Variants in PDZD2 observed in about 807,000 individuals in gnomAD.
PDZD2 encodes PDZ domain containing 2.
A neutral mutation model predicts 220.7 loss-of-function variants in PDZD2; 90 were observed. The observed-to-expected ratio is 0.41, with a 90% CI of 0.34 to 0.49. PDZD2 has a LOEUF of 0.49. Ranked by LOEUF, PDZD2 falls within the 20% of genes least tolerant of loss-of-function variation. The pLI is 0.28. For missense variants in PDZD2, 3,174 were observed against 3,608.5 expected, an observed-to-expected ratio of 0.88 and a Z score of 3.08; for synonymous variants, 1,375 against 1,450.5, an observed-to-expected ratio of 0.95 and a Z score of 1.18.
At chr5:31,704,935 C>T (rs577622698) in intron 1 of PDZD2, among the ~76,000 whole-genome samples, 16 of 152,138 alleles carry the variant, frequency 1.1e-4, no homozygotes, top group East Asian at 3.9e-4. Context: ...CCGAGGTGGG[C>T]GGGTCATTTG....
chr5:31,818,876 A>G lies in PDZD2; in HGVS notation c.476+19152A>G, dbSNP rs1755640058. Among the ~76,000 whole-genome samples, 3 of 152,178 alleles carry G rather than the reference A, an allele frequency of 2.0e-5. No homozygotes were observed. The South Asian group carries it at 6.2e-4, about 32-fold the overall frequency. ...ATGTGCCTACAGCTCTATCATGCTAACTCAACAGATATAATTTTTTGTTTC... is the reference window on the plus strand; with the variant it reads ...ATGTGCCTACAGCTCTATCATGCTAGCTCAACAGATATAATTTTTTGTTTC... On this transcript the variant is annotated intron_variant, in intron 2 of 24. Transcript: ENST00000438447.
chr5:31,879,450 A>G lies in PDZD2; in HGVS notation c.476+79726A>G, dbSNP rs555025277. 1.8e-4 allele frequency among the ~76,000 whole-genome samples: 28 copies of G among 151,972 alleles called. No individual in the cohort carries two copies. In the East Asian group the frequency reaches 5.4e-3, roughly 29 times the overall value. ...AGGTATGACCCCAGCAAGTTGTCAC[A>G]CACACTATTTTTTTTTAGAGAATAA... is the stretch of plus-strand genomic sequence containing the variant. On this transcript the variant is annotated intron_variant, in intron 2 of 24. Transcript: ENST00000438447.
rs1754245204 is a variant in PDZD2, at chr5:31,799,329, G to A, written c.81G>A (p.Gly27=). 1.2e-6 allele frequency: 2 copies of A among 1,614,096 alleles called. No homozygotes were observed. Among genetic ancestry groups the A allele is most frequent in the African/African-American group, 1.3e-5 (1 of 74,948 alleles). Residue 27 remains glycine, a synonymous_variant, in exon 2 of 25, where the codon GGG becomes GGA. Coordinates refer to ENST00000438447, the MANE Select transcript of PDZD2 (RefSeq NM_178140.4). ...TGCAGAACAGCCTGCAGGAAGGTGGGGATGGGCCGGAGCAGCGGCTCTGCC... is the reference window on the plus strand; with the variant it reads ...TGCAGAACAGCCTGCAGGAAGGTGGAGATGGGCCGGAGCAGCGGCTCTGCC... ...QWLQNSLQEG[G]DGPEQRLCQA... is the part of the protein sequence containing the mutation.
Position 32,090,063 on chromosome 5 carries a change from C to G in PDZD2, c.6615C>G (p.Gly2205=), listed in dbSNP as rs1742946297. The G allele has an allele frequency of 1.2e-6, 2 of 1,613,362 alleles. No individual in the cohort carries two copies. The highest frequency in any genetic ancestry group is 2.7e-5 in the African/African-American group (2 of 74,924). The part of the protein sequence containing the change: ...RGVPRNSIPG[G]PSGEDHLYFT... ...TGCCCAGAAACAGCATTCCAGGGGGCCCCTCGGGGGAGGACCATCTCTACT... is the reference window on the plus strand; with the variant it reads ...TGCCCAGAAACAGCATTCCAGGGGGGCCCTCGGGGGAGGACCATCTCTACT... The change falls in exon 20 of 25, where the codon GGC becomes GGG. Residue 2205 remains glycine (G), a synonymous_variant. Coordinates refer to ENST00000438447, the MANE Select transcript of PDZD2 (RefSeq NM_178140.4). This position sits in a 1 kb window ranked among gnomAD's most constrained non-coding sequence, Gnocchi z 4.3.
rs869189606 is a variant in PDZD2 at position 31,891,127 on chromosome 5, CTTTTTTTTTTTTT to C, written c.476+91418_476+91430del. ...TGTAAGCAAAGCTCAGGGGTTTTTC[CTTTTTTTTTTTTT>C]TTTTTTTTTTTTTTGAGACGGAGTC... On this transcript the variant is annotated intron_variant, in intron 2 of 24. Transcript: ENST00000438447. Among the ~76,000 whole-genome samples the C allele has an allele frequency of 3.7e-4, 36 of 96,436 alleles. 1 individual carries two copies. Among genetic ancestry groups the C allele is most frequent in the Middle Eastern group, 7.8e-3 (1 of 128 alleles). 63.3% of individuals were successfully genotyped at this position (96,436 alleles called of 152,430 possible). A position where few individuals can be genotyped will look rare whatever the true frequency, so the allele number is the denominator to read the frequency against.
chr5:32,070,903 G>GAGAATTGCTTGAACCCGGGGGGC (rs56171290), intron 15 of PDZD2, among the ~76,000 whole-genome samples: 1 of 151,602 alleles, frequency 6.6e-6, no homozygotes, highest in East Asian at 1.9e-4. Flanking sequence ...GCTGAGACAG[G>GAGAATTGCTTGAACCCGGGGGGC]AGAGGTTTCA....
chr5:31,718,635 A>ATCTCC (rs1175939699), intron 1 of PDZD2, among the ~76,000 whole-genome samples: 1 of 148,856 alleles, frequency 6.7e-6, no homozygotes, highest in Non-Finnish European at 1.5e-5. Context: ...CTGTGTCCTA[A>ATCTCC]TCTCCTCTTC....
At chr5:32,015,896 A>G (rs920723042) in intron 6 of PDZD2, among the ~76,000 whole-genome samples, 7 of 152,222 alleles carry the variant, frequency 4.6e-5, no homozygotes, top group African/African-American at 1.7e-4. Context: ...CAAATCTGCA[A>G]TTGTAAAGCT....
At chr5:31,998,257 C>T (rs1751800173) in intron 4 of PDZD2, among the ~76,000 whole-genome samples, 1 of 152,196 alleles carries the variant, frequency 6.6e-6, no homozygotes, top group South Asian at 2.1e-4. Context: ...CTTGTTTCTT[C>T]TGTGGTCTTC....
At chr5:31,777,298 G>A (rs530412070) in intron 1 of PDZD2, among the ~76,000 whole-genome samples, 3,156 of 152,288 alleles carry the variant, frequency 0.021, 103 homozygotes, top group African/African-American at 0.071. Flanking sequence ...TGGCCCGCCC[G>A]CACTGTGCTT....
chr5:31,847,362 A>G (rs1373911897), intron 2 of PDZD2: 1 of 430,696 alleles, frequency 2.3e-6, no homozygotes, highest in African/African-American at 2.0e-5. Context: ...ACCGATTACT[A>G]TGCTAAGAAA....
chr5:31,877,135 CTG>C (rs753721913), intron 2 of PDZD2, among the ~76,000 whole-genome samples: 3 of 152,182 alleles, frequency 2.0e-5, no homozygotes, highest in Non-Finnish European at 4.4e-5. Flanking sequence ...AAAATTTCAG[CTG>C]TGTTAAACCT....
At chr5:32,071,219 G>A (rs56223765) in intron 15 of PDZD2, among the ~76,000 whole-genome samples, 165 bp from the exon 16 acceptor site, 19,712 of 152,158 alleles carry the variant, frequency 0.13, 1,540 homozygotes, top group Middle Eastern at 0.24. Flanking sequence ...GATCAGGTAC[G>A]CAGGTAGACT....
In PDZD2 at chr5:31,718,540, C is replaced by T. The variant is rs544888124; in HGVS notation, c.-361+79103C>T. On this transcript the variant is annotated intron_variant, in intron 1 of 24. Coordinates refer to ENST00000438447, the MANE Select transcript of PDZD2 (RefSeq NM_178140.4). ...ATCAAGGTGTTGGCAGGTTTGGTTT[C>T]TTCTGAGGCCTGTTTCCTTGTCTTG... Among the ~76,000 whole-genome samples, 19 of 152,238 alleles carry T rather than the reference C, an allele frequency of 1.2e-4. No individual in the cohort carries two copies. The East Asian group carries it at 2.5e-3, about 20-fold the overall frequency.
intron 2 of PDZD2, among the ~76,000 whole-genome samples, chr5:31,874,467 AAG>A (rs1739120652): frequency 6.6e-6 from 1 of 152,206 alleles, no homozygotes; most frequent in East Asian, 1.9e-4. Flanking sequence ...CAAAACTTGA[AAG>A]AGAAAATGCA....
intron 2 of PDZD2, chr5:31,843,543 AG>A (rs1311274558): frequency 7.9e-5 from 12 of 152,280 alleles, no homozygotes; most frequent in African/African-American, 2.9e-4. Context: ...TGGGGATTAC[AG>A]GCATGAGCCA....
intron 1 of PDZD2, among the ~76,000 whole-genome samples, chr5:31,764,298 GT>G (rs1283231198): frequency 6.6e-6 from 1 of 152,298 alleles, no homozygotes; most frequent in East Asian, 1.9e-4. Context: ...GGGATTCAGA[GT>G]GCTAATTTCC....
At position 31,755,367 on chromosome 5, in the gene PDZD2, C is replaced by T. The variant is rs186848232; in HGVS notation, c.-360-43522C>T. Reference sequence around the variant, plus strand: ...AAGAGGTTTCTTTGGGCTTGGAAGTCGGCAATGGCCATTTTAACCGGCATT... The same window carrying T: ...AAGAGGTTTCTTTGGGCTTGGAAGTTGGCAATGGCCATTTTAACCGGCATT... On this transcript the variant is annotated intron_variant, in intron 1 of 24. Coordinates refer to ENST00000438447, the MANE Select transcript of PDZD2 (RefSeq NM_178140.4). Among the ~76,000 whole-genome samples the T allele has an allele frequency of 1.9e-3, 293 of 152,246 alleles. 2 individuals are homozygous for T. The highest frequency in any genetic ancestry group is 0.017 in the Middle Eastern group (5 of 294).
chr5:32,046,546 A>G (rs1737991979), intron 7 of PDZD2, among the ~76,000 whole-genome samples: 1 of 152,174 alleles, frequency 6.6e-6, no homozygotes, highest in South Asian at 2.1e-4. Flanking sequence ...CCCAGCCTAA[A>G]TTGTTACTAT....
Sources: allele counts gnomAD v4.1 joint callset (sites outside exome capture counted in the v4.1 genomes callset), GRCh38; gene constraint gnomAD v4.1.1; non-coding constraint Gnocchi (gnomAD v3.1); transcripts MANE v1.5; gene names NCBI Gene and HGNC (gene_info 2026-07-23, HGNC 2026-07-21).